The following FOXP4 variants were observed in gnomAD, a reference collection of about 807,000 sequenced individuals.
FOXP4 encodes the protein forkhead box P4.
FOXP4 carries 25 observed loss-of-function variants against 82.6 expected under a neutral mutation model. That is an observed-to-expected ratio of 0.30 (90% confidence interval 0.22 to 0.42). The LOEUF (loss-of-function observed/expected upper bound fraction) is 0.42, where lower values mean the gene tolerates loss of function less well. FOXP4 is among the 10% of genes least tolerant of loss of function. FOXP4 has a pLI of 1.00. For synonymous variants in FOXP4, 415 were observed against 388.2 expected, an observed-to-expected ratio of 1.07 and a Z score of -0.81; for missense variants, 785 against 900.9, an observed-to-expected ratio of 0.87 and a Z score of 1.65.
chr6:41,567,367 T>C (rs1182322498), intron 2 of FOXP4, among the ~76,000 whole-genome samples: 12 of 152,228 alleles, frequency 7.9e-5, no homozygotes, highest in Non-Finnish European at 1.8e-4. Flanking sequence ...CTGACTCCCT[T>C]CCCTAGGGAG....
At chr6:41,575,103 G>C (rs1765403309) in intron 2 of FOXP4, among the ~76,000 whole-genome samples, 1 of 152,112 alleles carries the variant, frequency 6.6e-6, no homozygotes, top group Admixed American at 6.5e-5. Context: ...GGAGTAGCTG[G>C]CACTGCGGGC....
At chr6:41,562,851 G>A (rs1764665176) in intron 1 of FOXP4, among the ~76,000 whole-genome samples, 1 of 152,228 alleles carries the variant, frequency 6.6e-6, no homozygotes, top group African/African-American at 2.4e-5. Flanking sequence ...CTGAGGCCCA[G>A]GCCCAAGTGG....
At position 41,599,126 on chromosome 6, in the gene FOXP4, A is replaced by C; in HGVS notation, c.*190A>C. ...AGGGGCAGGGACGGTCCCCACCCCC[A>C]GGGACACAACCCCTGGTCTTGGACC... On this transcript the variant is annotated 3_prime_UTR_variant, in exon 17 of 17. Coordinates refer to ENST00000307972, the MANE Select transcript of FOXP4 (RefSeq NM_001012426.2). 1 of 711,896 alleles carries C rather than the reference A, an allele frequency of 1.4e-6. No homozygotes were observed. Among genetic ancestry groups the C allele is most frequent in the Non-Finnish European group, 2.2e-6 (1 of 444,708 alleles). 44.1% of individuals were successfully genotyped at this position (711,896 alleles called of 1,614,324 possible).
rs1273973825 is a variant in FOXP4, at chr6:41,601,862, G to A, written c.*2926G>A. On this transcript the variant is annotated 3_prime_UTR_variant, in exon 17 of 17. Coordinates refer to ENST00000307972, the MANE Select transcript of FOXP4 (RefSeq NM_001012426.2). ...CCTGTCCCTAGGGACAAGGCCCAGGGAAGAGTGTATTTGGGGAGCAGGGGA... is the reference window on the plus strand; with the variant it reads ...CCTGTCCCTAGGGACAAGGCCCAGGAAAGAGTGTATTTGGGGAGCAGGGGA... 1 of 152,228 alleles carries A rather than the reference G, an allele frequency of 6.6e-6. No homozygotes were observed. Among genetic ancestry groups the A allele is most frequent in the Admixed American group, 6.5e-5 (1 of 15,290 alleles). The allele number at this position is 152,228 out of a possible 1,614,324, so 9.4% of individuals were successfully genotyped here.
At chr6:41,576,282 C>T (rs1368897175) in intron 2 of FOXP4, among the ~76,000 whole-genome samples, 2 of 152,110 alleles carry the variant, frequency 1.3e-5, no homozygotes, top group Non-Finnish European at 2.9e-5. Flanking sequence ...GTCAATAGGC[C>T]AGTGCATATT....
intron 14 of FOXP4, among the ~76,000 whole-genome samples, chr6:41,595,592 T>G (rs1241700985): frequency 2.0e-5 from 3 of 152,076 alleles, no homozygotes; most frequent in Admixed American, 6.5e-5. Context: ...TTTTTTTAAT[T>G]TTATTATTTT....
intron 3 of FOXP4, among the ~76,000 whole-genome samples, chr6:41,581,980 C>G (rs573327847): frequency 7.0e-4 from 106 of 152,322 alleles, no homozygotes; most frequent in African/African-American, 2.4e-3. Flanking sequence ...CTGTTGCGGG[C>G]CACGTTCGTC....
rs542075087 is a variant in FOXP4 at position 41,558,482 on chromosome 6, G to A, written c.-16-7263G>A. Among the ~76,000 whole-genome samples the A allele has an allele frequency of 1.3e-5, 2 of 152,316 alleles. No individual in the cohort carries two copies. Among genetic ancestry groups the A allele is most frequent in the African/African-American group, 4.8e-5 (2 of 41,552 alleles). ...TCTCTAAACATCTTCCTCATGCAGT[G>A]TGTCTTATTTGATACCACTGCAACC... On this transcript the variant is annotated intron_variant, in intron 1 of 16. Coordinates refer to ENST00000307972, the MANE Select transcript of FOXP4 (RefSeq NM_001012426.2). This position sits in a 1 kb window ranked among gnomAD's most constrained non-coding sequence, Gnocchi z 4.0.
chr6:41,581,208 C>G (rs1190407252), intron 3 of FOXP4, among the ~76,000 whole-genome samples: 1 of 152,224 alleles, frequency 6.6e-6, no homozygotes, highest in Non-Finnish European at 1.5e-5. Flanking sequence ...CCAAACCAAA[C>G]TCTGGCCTGA....
At chr6:41,588,493 C>A in intron 8 of FOXP4, 151 bp from the exon 9 acceptor site, 1 of 730,822 alleles carries the variant, frequency 1.4e-6, no homozygotes, top group South Asian at 1.7e-5. Flanking sequence ...AGCCTTCCTC[C>A]ATTGCCCCGT....
intron 9 of FOXP4, among the ~76,000 whole-genome samples, chr6:41,589,569 T>C (rs1282211987): frequency 6.6e-6 from 1 of 152,196 alleles, no homozygotes; most frequent in African/African-American, 2.4e-5. Context: ...AGAGGCTTCA[T>C]GGAGCTGGCA....
intron 3 of FOXP4, among the ~76,000 whole-genome samples, chr6:41,584,268 T>C (rs1311016148): frequency 1.3e-5 from 2 of 152,226 alleles, no homozygotes; most frequent in Admixed American, 1.3e-4. Context: ...TTTTGAATCC[T>C]TCCCATGCTG....
chr6:41,595,954 G>C (rs2127406524), intron 14 of FOXP4, among the ~76,000 whole-genome samples: 1 of 152,140 alleles, frequency 6.6e-6, no homozygotes, highest in African/African-American at 2.4e-5. Flanking sequence ...CTGGAGTGCA[G>C]TGGCACGATT....
intron 2 of FOXP4, among the ~76,000 whole-genome samples, chr6:41,566,769 CCTGGAATCACTG>C (rs1456344483): frequency 2.6e-5 from 4 of 152,150 alleles, no homozygotes; most frequent in Non-Finnish European, 5.9e-5. Flanking sequence ...TGACTCTGCT[CCTGGAATCACTG>C]CTGGTGGTGC....
intron 2 of FOXP4, among the ~76,000 whole-genome samples, chr6:41,574,252 T>C (rs1765352996): frequency 6.6e-6 from 1 of 152,216 alleles, no homozygotes; most frequent in Non-Finnish European, 1.5e-5. Flanking sequence ...AAGGCCTCGC[T>C]GGACTGTGCA....
At chr6:41,556,258 C>T (rs147559854) in intron 1 of FOXP4, among the ~76,000 whole-genome samples, 2 of 151,280 alleles carry the variant, frequency 1.3e-5, no homozygotes, top group African/African-American at 2.4e-5. Context: ...TCAAAATGAG[C>T]GCAAAATTGC....
intron 1 of FOXP4, among the ~76,000 whole-genome samples, chr6:41,551,283 C>G (rs1763981615): frequency 6.6e-6 from 1 of 152,216 alleles, no homozygotes; most frequent in Non-Finnish European, 1.5e-5. Context: ...GTCACTGTTG[C>G]TGTGGTGTGT....
At chr6:41,597,658 G>C in intron 15 of FOXP4, 123 bp from the exon 16 acceptor site, 1 of 1,266,740 alleles carries the variant, frequency 7.9e-7, no homozygotes, top group Non-Finnish European at 1.1e-6. Flanking sequence ...AGACAGATCC[G>C]CCCGTGGGGC....
rs751994604 is a variant in FOXP4 at position 41,598,859 on chromosome 6, G to A, written c.1966G>A (p.Ala656Thr). ...CAGGCAGCCCGGGCCTCCCCTGGGC[G>A]CCCCTAACCCCAGCGCCTCGGGGCC... The part of the protein sequence containing the change: ...EDRQPGPPLG[A>T]PNPSASGPPE... Residue 656 changes from alanine to threonine, a missense_variant, in exon 17 of 17, where the codon GCC (alanine) becomes ACC (threonine). By Grantham distance (58) the Ala-to-Thr change is moderately conservative. Around this residue, in one of 3 missense-constraint regions of FOXP4, gnomAD observed 184 missense variants for 187.3 expected, o/e 0.98. Transcript: ENST00000307972. 1.1e-5 allele frequency: 18 copies of A among 1,593,014 alleles called. No individual in the cohort carries two copies. The highest frequency in any genetic ancestry group is 1.7e-4 in the Middle Eastern group (1 of 5,816).
Sources: gnomAD v4.1 joint callset for allele counts (sites outside exome capture counted in the v4.1 genomes callset) on GRCh38, gnomAD v4.1.1 for gene constraint, gnomAD v4.1.1 regional missense constraint, Gnocchi (gnomAD v3.1) non-coding constraint, MANE v1.5 for transcripts, NCBI Gene and HGNC (gene_info 2026-07-23, HGNC 2026-07-21) for gene names.